Variants in CFAP299 observed in about 807,000 individuals in gnomAD.
The protein encoded by CFAP299 is cilia- and flagella-associated protein 299.
In CFAP299, 21 loss-of-function variants were observed where a neutral mutation model predicts 27.0. The observed-to-expected ratio is 0.78, with a 90% CI of 0.55 to 1.12. CFAP299 has a LOEUF of 1.12. CFAP299 is among the 50% of genes most tolerant of loss of function. CFAP299 has a pLI of 0.00. For synonymous variants in CFAP299, 104 were observed against 98.1 expected (o/e 1.06, Z -0.36); for missense variants, 310 against 276.6 (o/e 1.12, Z -0.86).
intron 3 of CFAP299, among the ~76,000 whole-genome samples, chr4:80,620,645 T>C (rs182462543): frequency 6.6e-6 from 1 of 152,250 alleles, no homozygotes; most frequent in Non-Finnish European, 1.5e-5. Flanking sequence ...TTCTCATCCC[T>C]TGATTTAATT....
In CFAP299 at chr4:80,359,949, G is replaced by A. The variant is rs139241380; in HGVS notation, c.112-2805G>A. ...TGTGCTGATTCTTTCACACCCTTGT[G>A]GGCTTATGTACTTTCAATTTTTGAG... On this transcript the variant is annotated intron_variant, in intron 1 of 5. Transcript: ENST00000358105. 6.2e-3 allele frequency among the ~76,000 whole-genome samples: 949 copies of A among 152,190 alleles called. 2 individuals are homozygous for A. Among genetic ancestry groups the A allele is most frequent in the Middle Eastern group, 0.024 (7 of 294 alleles).
chr4:80,464,793 T>G (rs1399530293), intron 2 of CFAP299, among the ~76,000 whole-genome samples: 2 of 152,080 alleles, frequency 1.3e-5, no homozygotes, highest in South Asian at 4.1e-4. Flanking sequence ...CTAGTGAGCT[T>G]TATATTAAAA....
At chr4:80,741,180 T>C (rs4437239) in intron 3 of CFAP299, among the ~76,000 whole-genome samples, 52,706 of 151,162 alleles carry the variant, frequency 0.35, 11,405 homozygotes, top group African/African-American at 0.62. Context: ...TGTCTCAGGG[T>C]CTATGGTCCA....
chr4:80,860,575 G>C (rs1204770690), intron 3 of CFAP299, among the ~76,000 whole-genome samples: 1 of 152,172 alleles, frequency 6.6e-6, no homozygotes, highest in African/African-American at 2.4e-5. Flanking sequence ...GTGATGTACA[G>C]ATGGGTTTTT....
At chr4:80,332,178 G>A (rs1403338325), upstream of CFAP299, among the ~76,000 whole-genome samples, 1 of 152,204 alleles carries the variant, frequency 6.6e-6, no homozygotes, top group Non-Finnish European at 1.5e-5. Flanking sequence ...AATTGACTTT[G>A]GTGAAAATCG....
chr4:80,947,591 C>CTAAA (rs1560488485), intron 5 of CFAP299, among the ~76,000 whole-genome samples: 43 of 152,190 alleles, frequency 2.8e-4, no homozygotes, highest in African/African-American at 9.6e-4. Flanking sequence ...GATTCTGCCT[C>CTAAA]GACTGGGACC....
intron 2 of CFAP299, among the ~76,000 whole-genome samples, chr4:80,467,120 G>A (rs62303529): frequency 0.028 from 4,300 of 152,306 alleles, 88 homozygotes; most frequent in Non-Finnish European, 0.045. Context: ...GCAGTAGTAT[G>A]TTGGAGCCAG....
chr4:80,570,293 T>C (rs1578613730), intron 2 of CFAP299, among the ~76,000 whole-genome samples: 1 of 152,016 alleles, frequency 6.6e-6, no homozygotes, highest in East Asian at 1.9e-4. Context: ...TTGGTATATA[T>C]TCAAATTAGA....
chr4:80,360,391 TTC>T (rs556722664), intron 1 of CFAP299, among the ~76,000 whole-genome samples: 185 of 152,308 alleles, frequency 1.2e-3, no homozygotes, highest in African/African-American at 4.2e-3. Flanking sequence ...TCTAGGTGCC[TTC>T]TCTCTGCTCT....
chr4:80,416,548 C>T (rs1395144128), intron 2 of CFAP299, among the ~76,000 whole-genome samples: 1 of 152,090 alleles, frequency 6.6e-6, no homozygotes, highest in Non-Finnish European at 1.5e-5. Context: ...AAAAGAAATA[C>T]AGCAAGTTTC....
At chr4:80,365,663 G>C (rs1723789584) in intron 2 of CFAP299, among the ~76,000 whole-genome samples, 1 of 152,210 alleles carries the variant, frequency 6.6e-6, no homozygotes, top group South Asian at 2.1e-4. Flanking sequence ...ACATCAGGGA[G>C]AGTCTTTTCT....
chr4:80,438,913 G>A (rs559716058), intron 2 of CFAP299, among the ~76,000 whole-genome samples: 1 of 152,094 alleles, frequency 6.6e-6, no homozygotes, highest in South Asian at 2.1e-4. Context: ...TTTGATTATT[G>A]GATTTATATG....
intron 3 of CFAP299, among the ~76,000 whole-genome samples, chr4:80,738,988 C>T (rs1418524529): frequency 6.6e-6 from 1 of 152,010 alleles, no homozygotes; most frequent in Non-Finnish European, 1.5e-5. Context: ...CTGATGGCAA[C>T]TTAACACAAA....
At chr4:80,393,151 A>C (rs950610202) in intron 2 of CFAP299, among the ~76,000 whole-genome samples, 3 of 152,188 alleles carry the variant, frequency 2.0e-5, no homozygotes, top group Admixed American at 6.5e-5. Context: ...GCAAAAAATA[A>C]AATACAAATT....
chr4:80,464,428 G>A (rs1324444442), intron 2 of CFAP299, among the ~76,000 whole-genome samples: 1 of 152,138 alleles, frequency 6.6e-6, no homozygotes, highest in South Asian at 2.1e-4. Flanking sequence ...ATGCTAACTG[G>A]TATAGCCATG....
chr4:80,885,151 A>G lies in CFAP299; in HGVS notation c.476+15016A>G, dbSNP rs540951022. On this transcript the variant is annotated intron_variant, in intron 4 of 5. Coordinates refer to ENST00000358105, the MANE Select transcript of CFAP299 (RefSeq NM_152770.3). The stretch of plus-strand genomic sequence containing the variant: ...TGCTGGGCTCAGCCAGTGCCCACAC[A>G]TGGAGGGAGTATTTGGACCAGCCCT... Among the ~76,000 whole-genome samples, 30 of 152,272 alleles carry G rather than the reference A, an allele frequency of 2.0e-4. 2 individuals are homozygous for G. The South Asian group carries it at 6.2e-3, about 32-fold the overall frequency.
At chr4:80,627,813 CAAT>C (rs1214583140) in intron 3 of CFAP299, among the ~76,000 whole-genome samples, 1 of 151,660 alleles carries the variant, frequency 6.6e-6, no homozygotes, top group African/African-American at 2.4e-5. Flanking sequence ...AGCCATAAAA[CAAT>C]GATGAAAGAA....
At chr4:80,580,317 T>G (rs1736099213) in intron 2 of CFAP299, among the ~76,000 whole-genome samples, 1 of 152,030 alleles carries the variant, frequency 6.6e-6, no homozygotes, top group African/African-American at 2.4e-5. Context: ...AGTAATTGGG[T>G]ACCTTGATTC....
intron 1 of CFAP299, among the ~76,000 whole-genome samples, chr4:80,345,197 G>A (rs1722661936): frequency 6.6e-6 from 1 of 152,116 alleles, no homozygotes; most frequent in East Asian, 1.9e-4. Context: ...AGGAAGTCAA[G>A]TGATGTTTGT....
Sources: allele counts gnomAD v4.1 joint callset (sites outside exome capture counted in the v4.1 genomes callset), GRCh38; gene constraint gnomAD v4.1.1; transcripts MANE v1.5; gene names NCBI Gene and HGNC (gene_info 2026-07-23, HGNC 2026-07-21).